PTPN14: variants seen among roughly 807,000 people sequenced by gnomAD.
PTPN14 encodes protein tyrosine phosphatase non-receptor type 14.
A neutral mutation model predicts 126.8 loss-of-function variants in PTPN14; 53 were observed. The ratio of observed to expected loss-of-function variants is 0.42; its 90% CI spans 0.34 to 0.53. The LOEUF (loss-of-function observed/expected upper bound fraction) is 0.53. PTPN14 is among the 20% of genes least tolerant of loss of function. The pLI is 0.08. For synonymous variants in PTPN14, 630 were observed against 599.3 expected, an observed-to-expected ratio of 1.05 and a Z score of -0.75; for missense variants, 1,257 against 1,552.9, an observed-to-expected ratio of 0.81 and a Z score of 3.20.
At chr1:214,490,852 A>AGAGAAGGGAG (rs1661216327) in intron 1 of PTPN14, among the ~76,000 whole-genome samples, 1 of 24,104 alleles carries the variant, frequency 4.1e-5, no homozygotes, top group African/African-American at 1.9e-4. Context: ...AAGGAAAGGA[A>AGAGAAGGGAG]GGGAAGGGAG....
intron 12 of PTPN14, among the ~76,000 whole-genome samples, chr1:214,386,429 A>G (rs1188123416): frequency 1.3e-5 from 2 of 152,208 alleles, no homozygotes; most frequent in Non-Finnish European, 2.9e-5. Flanking sequence ...GCTAAAAGAA[A>G]AGGCTGACTT....
intron 1 of PTPN14, among the ~76,000 whole-genome samples, chr1:214,484,862 T>G (rs1661077412): frequency 6.6e-6 from 1 of 152,208 alleles, no homozygotes; most frequent in African/African-American, 2.4e-5. Context: ...TGAGATTATC[T>G]GAAAAGGTTG....
At chr1:214,516,640 A>G (rs1441288663) in intron 1 of PTPN14, among the ~76,000 whole-genome samples, 1 of 152,218 alleles carries the variant, frequency 6.6e-6, no homozygotes, top group Non-Finnish European at 1.5e-5. Flanking sequence ...TTACCGCAGC[A>G]ATACATAGTA....
chr1:214,402,753 T>A, intron 6 of PTPN14, 130 bp downstream of exon 6: 1 of 989,566 alleles, frequency 1.0e-6, no homozygotes, highest in South Asian at 1.6e-5. Flanking sequence ...CAGAGCTGAG[T>A]CACGTGGTGG....
At chr1:214,358,966 A>G (rs1571948152) in intron 18 of PTPN14, among the ~76,000 whole-genome samples, 1 of 150,636 alleles carries the variant, frequency 6.6e-6, no homozygotes, top group African/African-American at 2.4e-5. Flanking sequence ...GTGGTCTTGA[A>G]CTCCTGACCT....
chr1:214,460,524 A>C (rs111388366), intron 2 of PTPN14, among the ~76,000 whole-genome samples: 63 of 132,668 alleles, frequency 4.7e-4, no homozygotes, highest in African/African-American at 1.7e-3. Context: ...TGAAAATTCC[A>C]ACACACACAC....
Position 214,377,304 on chromosome 1 carries a change from A to G in PTPN14, c.2688+655T>C, listed in dbSNP as rs139206590. ...AACCAAATACTGCATGTTGTCACTTATAAGTGGGAGCTAAATGATAAGAAT... is the reference window on the plus strand; with the variant it reads ...AACCAAATACTGCATGTTGTCACTTGTAAGTGGGAGCTAAATGATAAGAAT... On this transcript the variant is annotated intron_variant, in intron 14 of 18. Coordinates refer to ENST00000366956, the MANE Select transcript of PTPN14 (RefSeq NM_005401.5). Among the ~76,000 whole-genome samples the G allele has an allele frequency of 7.6e-3, 1,154 of 152,298 alleles. 16 individuals carry two copies. Among genetic ancestry groups the G allele is most frequent in the African/African-American group, 0.026 (1,088 of 41,564 alleles).
At chr1:214,360,022 C>T (rs934547540) in intron 18 of PTPN14, among the ~76,000 whole-genome samples, 3 of 152,206 alleles carry the variant, frequency 2.0e-5, no homozygotes, top group Non-Finnish European at 1.5e-5. Flanking sequence ...AGCCAGGACA[C>T]ATACGGCTGG....
intron 18 of PTPN14, among the ~76,000 whole-genome samples, chr1:214,361,700 A>G (rs1458427394): frequency 6.6e-6 from 1 of 152,210 alleles, no homozygotes; most frequent in Non-Finnish European, 1.5e-5. Context: ...TGGAACAGAC[A>G]GCTACATCCA....
chr1:214,500,138 A>G (rs942295088), intron 1 of PTPN14, among the ~76,000 whole-genome samples: 1 of 152,050 alleles, frequency 6.6e-6, no homozygotes, highest in African/African-American at 2.4e-5. Flanking sequence ...TAATGTATCA[A>G]TAAGGATATG....
chr1:214,448,966 T>C (rs192695043), intron 3 of PTPN14, among the ~76,000 whole-genome samples: 5 of 151,964 alleles, frequency 3.3e-5, no homozygotes, highest in African/African-American at 1.2e-4. Flanking sequence ...AGTCTGTAAA[T>C]ATCTAAAGGC....
intron 3 of PTPN14, among the ~76,000 whole-genome samples, chr1:214,428,524 C>T (rs1310501462): frequency 6.6e-6 from 1 of 152,124 alleles, no homozygotes; most frequent in African/African-American, 2.4e-5. Context: ...CTCCCTTTTC[C>T]TTTTTATCAT....
At chr1:214,469,544 G>T (rs61819615) in intron 1 of PTPN14, among the ~76,000 whole-genome samples, 3,972 of 152,146 alleles carry the variant, frequency 0.026, 74 homozygotes, top group Middle Eastern at 0.048. Flanking sequence ...ATAAAATCTG[G>T]AACTAAATGC....
intron 1 of PTPN14, among the ~76,000 whole-genome samples, chr1:214,544,688 T>C (rs1327092686): frequency 2.0e-5 from 3 of 149,266 alleles, no homozygotes; most frequent in African/African-American, 7.4e-5. Flanking sequence ...GAGGTGGAGG[T>C]TGCAGTGAGC....
rs1455571609 is a variant in PTPN14 at position 214,364,866 on chromosome 1, G to A, written c.3272-191C>T. On this transcript the variant is annotated intron_variant, in intron 17 of 18. Transcript: ENST00000366956. The surrounding 1 kb of genome is among the most constrained non-coding windows in gnomAD (Gnocchi z 4.1). The stretch of plus-strand genomic sequence containing the variant: ...ACTAATTATTTGGCTGGTACCCAAT[G>A]TACAGTCCTGGATCCAGACAGGACC... Among the ~76,000 whole-genome samples, 1 of 151,570 alleles carries A rather than the reference G, an allele frequency of 6.6e-6. No homozygotes were observed. Among genetic ancestry groups the A allele is most frequent in the Non-Finnish European group, 1.5e-5 (1 of 67,958 alleles).
Position 214,402,946 on chromosome 1 carries a change from G to A in PTPN14, c.518C>T (p.Ala173Val), listed in dbSNP as rs868799535. 4.3e-6 allele frequency: 7 copies of A among 1,613,782 alleles called. No individual in the cohort carries two copies. Among genetic ancestry groups the A allele is most frequent in the South Asian group, 1.1e-5 (1 of 91,054 alleles). Residue 173 changes from alanine to valine, a missense_variant, in exon 6 of 19, where the codon GCC (alanine) becomes GTC (valine). Physicochemically the swap from Ala to Val is moderately conservative, Grantham distance 64 (BLOSUM62 0). Coordinates refer to ENST00000366956, the MANE Select transcript of PTPN14 (RefSeq NM_005401.5). ...CTCCTCCAGAACAGCCTCTTCCAGGGCCAAATCCTATAAGAATAGAAAGTG... is the reference window on the plus strand; with the variant it reads ...CTCCTCCAGAACAGCCTCTTCCAGGACCAAATCCTATAAGAATAGAAAGTG... The part of the protein sequence containing the change: ...REYVLFPMDL[A>V]LEEAVLEELT...
rs573984224 is a variant in PTPN14, at chr1:214,519,988, C to T, written c.-155+31195G>A. Among the ~76,000 whole-genome samples, 76 of 140,910 alleles carry T rather than the reference C, an allele frequency of 5.4e-4. 1 individual carries two copies. Among genetic ancestry groups the T allele is most frequent in the African/African-American group, 1.9e-3 (70 of 37,170 alleles). The allele number at this position is 140,910 out of a possible 152,430, so 92.4% of individuals were successfully genotyped here. A position where few individuals can be genotyped will look rare whatever the true frequency, so the allele number is the denominator to read the frequency against. ...CTTGAGCCCGCGGGGTTCGAGGCCA[C>T]AGTAAGCTATGATCATGCCACTGCA... On this transcript the variant is annotated intron_variant, in intron 1 of 18. Transcript: ENST00000366956.
At chr1:214,369,368 C>T in intron 17 of PTPN14, 89 bp downstream of exon 17, 5 of 1,271,584 alleles carry the variant, frequency 3.9e-6, no homozygotes, top group Non-Finnish European at 4.5e-6. Flanking sequence ...AGAAAGCATC[C>T]TCTTTTTCCA....
chr1:214,444,305 T>C (rs1234877949), intron 3 of PTPN14, among the ~76,000 whole-genome samples: 1 of 152,104 alleles, frequency 6.6e-6, no homozygotes, highest in African/African-American at 2.4e-5. Flanking sequence ...ATAACCAACA[T>C]AAAGAGAACA....
Sources: gnomAD v4.1 joint callset for allele counts (sites outside exome capture counted in the v4.1 genomes callset) on GRCh38, gnomAD v4.1.1 for gene constraint, Gnocchi (gnomAD v3.1) non-coding constraint, MANE v1.5 for transcripts, NCBI Gene and HGNC (gene_info 2026-07-23, HGNC 2026-07-21) for gene names.